DENND5B: variants seen among roughly 807,000 people sequenced by gnomAD.
DENND5B encodes the protein DENN domain-containing protein 5B.
A neutral mutation model predicts 140.6 loss-of-function variants in DENND5B; 34 were observed. The observed-to-expected ratio is 0.24, with a 90% confidence interval of 0.18 to 0.32. The LOEUF is 0.32. Among genes scored for constraint, DENND5B ranks in the 10% least tolerant of loss-of-function variants. The pLI is 1.00. For synonymous variants in DENND5B, 551 were observed against 562.1 expected, an observed-to-expected ratio of 0.98 and a Z score of 0.28; for missense variants, 1,142 against 1,560.2, an observed-to-expected ratio of 0.73 and a Z score of 4.52.
chr12:31,551,787 G>C (rs1198010905), intron 1 of DENND5B, among the ~76,000 whole-genome samples: 1 of 152,194 alleles, frequency 6.6e-6, no homozygotes, highest in Admixed American at 6.5e-5. Context: ...CACATCCCTT[G>C]TAAGTTGGAT....
At chr12:31,569,137 GC>G (rs1949729783) in intron 1 of DENND5B, among the ~76,000 whole-genome samples, 1 of 144,696 alleles carries the variant, frequency 6.9e-6, no homozygotes. Flanking sequence ...TGAAATCTAG[GC>G]TCAATGAAAT....
In DENND5B at chr12:31,409,200, T is replaced by C. The variant is rs1046310555; in HGVS notation, c.2803+63A>G. On this transcript the variant is annotated intron_variant, in intron 14 of 20. Coordinates refer to ENST00000389082, the MANE Select transcript of DENND5B (RefSeq NM_144973.4). ...CTATGGCATATCTTGCTTTAAAAAA[T>C]ATAAATGCTTTTATTGCATTGGTCA... 17 of 1,470,182 alleles carry C rather than the reference T, an allele frequency of 1.2e-5. No homozygotes were observed. In the South Asian group the frequency reaches 2.0e-4, roughly 17 times the overall value. The allele number at this position is 1,470,182 out of a possible 1,614,324, so 91.1% of individuals were successfully genotyped here. A position where few individuals can be genotyped will look rare whatever the true frequency, so the allele number is the denominator to read the frequency against.
rs570395613 is a variant in DENND5B, at chr12:31,580,363, A to G, written c.127+10343T>C. ...ACATTTTATAGTTGAAAGAAATTTTATTAGCCCTTCACAAAGCTGTTAGAT... is the reference window on the plus strand; with the variant it reads ...ACATTTTATAGTTGAAAGAAATTTTGTTAGCCCTTCACAAAGCTGTTAGAT... On this transcript the variant is annotated intron_variant, in intron 1 of 20. Coordinates refer to ENST00000389082, the MANE Select transcript of DENND5B (RefSeq NM_144973.4). Among the ~76,000 whole-genome samples the G allele has an allele frequency of 1.1e-4, 16 of 152,342 alleles. No homozygotes were observed. In the South Asian group the frequency reaches 3.3e-3, roughly 32 times the overall value.
chr12:31,581,985 T>C (rs1046398518), intron 1 of DENND5B, among the ~76,000 whole-genome samples: 1 of 152,234 alleles, frequency 6.6e-6, no homozygotes, highest in Non-Finnish European at 1.5e-5. Flanking sequence ...AAATGGTTGT[T>C]ATGCTGTATT....
At chr12:31,535,433 T>TAC (rs1325862060) in intron 1 of DENND5B, among the ~76,000 whole-genome samples, 17 of 151,396 alleles carry the variant, frequency 1.1e-4, no homozygotes, top group African/African-American at 4.1e-4. Flanking sequence ...CACACATATA[T>TAC]ACACATACAC....
At chr12:31,587,526 C>CTTTTTTTTTTTTTTTTTTTTTTTTTTTTT (rs71460995) in intron 1 of DENND5B, among the ~76,000 whole-genome samples, 1 of 74,948 alleles carries the variant, frequency 1.3e-5, no homozygotes. Context: ...CCACAAATAC[C>CTTTTTTTTTTTTTTTTTTTTTTTTTTTTT]TTTTTTTTTT....
intron 14 of DENND5B, among the ~76,000 whole-genome samples, chr12:31,405,056 G>A (rs879359681): frequency 3.3e-5 from 5 of 151,420 alleles, no homozygotes; most frequent in Non-Finnish European, 5.9e-5. Context: ...CACCGTGCCC[G>A]GCCCCTAGCT....
rs1475221034 is a variant in DENND5B, at chr12:31,383,116, A to G, written c.*4487T>C. The G allele has an allele frequency of 3.3e-5, 5 of 152,186 alleles. No homozygotes were observed. Among genetic ancestry groups the G allele is most frequent in the African/African-American group, 1.2e-4 (5 of 41,466 alleles). The allele number at this position is 152,186 out of a possible 1,614,324, so 9.4% of individuals were successfully genotyped here. A position where few individuals can be genotyped will look rare whatever the true frequency, so the allele number is the denominator to read the frequency against. On this transcript the variant is annotated 3_prime_UTR_variant, in exon 21 of 21. Coordinates refer to ENST00000389082, the MANE Select transcript of DENND5B (RefSeq NM_144973.4). ...ACTGAAATATAAATAGCTAAAGTTC[A>G]GATTGTCTTTTCAACATAGTGAAAA...
intron 1 of DENND5B, among the ~76,000 whole-genome samples, chr12:31,552,065 C>A (rs1165705688): frequency 6.6e-6 from 1 of 152,078 alleles, no homozygotes; most frequent in African/African-American, 2.4e-5. Flanking sequence ...TTTCCTTCTC[C>A]TGCCTGATTG....
chr12:31,474,643 C>T (rs1050297947), intron 3 of DENND5B, among the ~76,000 whole-genome samples: 1 of 152,262 alleles, frequency 6.6e-6, no homozygotes, highest in South Asian at 2.1e-4. Context: ...GGTAACTCTT[C>T]AGCACACGCA....
intron 1 of DENND5B, among the ~76,000 whole-genome samples, chr12:31,552,490 C>T (rs1251715910): frequency 3.3e-5 from 5 of 152,136 alleles, no homozygotes; most frequent in Admixed American, 6.5e-5. Context: ...ATTTTTGCAT[C>T]GATGTTCATC....
At chr12:31,447,463 T>G in intron 6 of DENND5B, 75 bp downstream of exon 6, 1 of 1,290,884 alleles carries the variant, frequency 7.7e-7, no homozygotes, top group South Asian at 1.5e-5. Context: ...AATTTTGTTG[T>G]ACGTAAGGCC....
At position 31,442,921 on chromosome 12, in the gene DENND5B, T is replaced by C. The variant is rs755955569; in HGVS notation, c.1866A>G (p.Gln622=). Residue 622 remains glutamine (Q), a synonymous_variant, in exon 7 of 21, where the codon CAA becomes CAG. Transcript: ENST00000389082. ...QKCSTLKEAA[Q]SIEQRLMKMD... Reference sequence around the variant, plus strand: ...TTTTCATCAGTCTCTGCTCAATTGATTGGGCTATAAATTAAATTTATAATA... The same window carrying C: ...TTTTCATCAGTCTCTGCTCAATTGACTGGGCTATAAATTAAATTTATAATA... 1.9e-5 allele frequency: 30 copies of C among 1,561,448 alleles called. No individual in the cohort carries two copies. Among genetic ancestry groups the C allele is most frequent in the Non-Finnish European group, 2.5e-5 (29 of 1,152,738 alleles).
rs563430973 is a variant in DENND5B at position 31,481,284 on chromosome 12, C to T, written c.238-1029G>A. Among the ~76,000 whole-genome samples the T allele has an allele frequency of 5.3e-5, 8 of 152,262 alleles. No individual in the cohort carries two copies. In the South Asian group the frequency reaches 1.7e-3, roughly 32 times the overall value. On this transcript the variant is annotated intron_variant, in intron 2 of 20. Transcript: ENST00000389082. ...CCAAGAAAATACAATTCCTTTATTTCTTCATTCAAACCGTCAAAAAACATT... is the reference window on the plus strand; with the variant it reads ...CCAAGAAAATACAATTCCTTTATTTTTTCATTCAAACCGTCAAAAAACATT...
chr12:31,496,795 GAGTA>G (rs1261782968), intron 1 of DENND5B, among the ~76,000 whole-genome samples: 4 of 151,948 alleles, frequency 2.6e-5, no homozygotes, highest in African/African-American at 9.7e-5. Context: ...TCCTCAACCA[GAGTA>G]ATTCCCTTAA....
chr12:31,439,848 T>C (rs1169043801), intron 7 of DENND5B, among the ~76,000 whole-genome samples: 1 of 141,728 alleles, frequency 7.1e-6, no homozygotes, highest in African/African-American at 2.6e-5. Flanking sequence ...GAGAATCGCT[T>C]GAACCTGGGA....
chr12:31,534,436 T>TC (rs1213844762), intron 1 of DENND5B, among the ~76,000 whole-genome samples: 4 of 152,174 alleles, frequency 2.6e-5, no homozygotes, highest in African/African-American at 4.8e-5. Flanking sequence ...TGCCTCGGCC[T>TC]CCCAAAGTCA....
At chr12:31,479,523 G>A in intron 3 of DENND5B, 66 bp downstream of exon 3, 2 of 1,371,738 alleles carry the variant, frequency 1.5e-6, no homozygotes, top group South Asian at 1.7e-5. Flanking sequence ...TATACCCCAT[G>A]GAAACACAGT....
intron 1 of DENND5B, among the ~76,000 whole-genome samples, chr12:31,563,230 G>A (rs1215151778): frequency 1.3e-5 from 2 of 152,052 alleles, no homozygotes; most frequent in African/African-American, 2.4e-5. Context: ...ATGAAAATCC[G>A]TATCATACAA....
Sources: gnomAD v4.1 joint callset for allele counts (sites outside exome capture counted in the v4.1 genomes callset) on GRCh38, gnomAD v4.1.1 for gene constraint, MANE v1.5 for transcripts, NCBI Gene and HGNC (gene_info 2026-07-23, HGNC 2026-07-21) for gene names.